MAP3K1: variants seen among roughly 807,000 people sequenced by gnomAD.
The protein encoded by MAP3K1 is MAP/ERK kinase kinase 1.
MAP3K1 carries 36 observed loss-of-function variants against 144.2 expected under a neutral mutation model. The ratio of observed to expected loss-of-function variants is 0.25; its 90% CI spans 0.19 to 0.33. MAP3K1 has a LOEUF of 0.33. Among genes scored for constraint, MAP3K1 ranks in the 10% least tolerant of loss-of-function variants. The probability of loss-of-function intolerance (pLI) is 1.00; values close to 1 mark genes in which losing one functional copy is unlikely to be tolerated. For missense variants in MAP3K1, 1,650 were observed against 1,881.9 expected (o/e 0.88, Z 2.28); for synonymous variants, 718 against 688.7 (o/e 1.04, Z -0.67).
Position 56,884,663 on chromosome 5 carries a change from G to A in MAP3K1, c.3820-1G>A. On this transcript the variant is annotated splice_acceptor_variant, in intron 15 of 19. Transcript: ENST00000399503. LOFTEE classifies it high-confidence loss of function. ...TTTGTGAACGTGTTTATTTGAAACA[G>A]GTGACTTATGTCAGAAACACATCTT... is the stretch of plus-strand genomic sequence containing the variant. The A allele has an allele frequency of 6.2e-7, 1 of 1,613,604 alleles. No individual in the cohort carries two copies. Among genetic ancestry groups the A allele is most frequent in the Non-Finnish European group, 8.5e-7 (1 of 1,179,746 alleles).
At chr5:56,834,801 A>G (rs1746597422) in intron 1 of MAP3K1, among the ~76,000 whole-genome samples, 1 of 152,206 alleles carries the variant, frequency 6.6e-6, no homozygotes, top group African/African-American at 2.4e-5. Context: ...AGCCAGAATA[A>G]GGGTGATGGT....
intron 1 of MAP3K1, among the ~76,000 whole-genome samples, chr5:56,827,251 TTGCC>T (rs1232449613): frequency 6.6e-6 from 1 of 152,166 alleles, no homozygotes; most frequent in Non-Finnish European, 1.5e-5. Flanking sequence ...CTGCCTCGTA[TTGCC>T]CCCACTGGCC....
chr5:56,853,458 A>T (rs1009166278), intron 1 of MAP3K1, among the ~76,000 whole-genome samples: 1 of 152,232 alleles, frequency 6.6e-6, no homozygotes, highest in Non-Finnish European at 1.5e-5. Flanking sequence ...GCCAGAGTTA[A>T]TAAGTGATCA....
chr5:56,883,734 G>A (rs1748295518), intron 15 of MAP3K1, 55 bp downstream of exon 15: 1 of 1,573,584 alleles, frequency 6.4e-7, no homozygotes, highest in Non-Finnish European at 8.7e-7. Flanking sequence ...AATGAAGCAT[G>A]TTCAGTAAAA....
chr5:56,821,974 G>A, intron 1 of MAP3K1, among the ~76,000 whole-genome samples: 1 of 152,146 alleles, frequency 6.6e-6, no homozygotes, highest in East Asian at 1.9e-4. Flanking sequence ...GACGAGTTTT[G>A]AAGGCAAGAA....
intron 19 of MAP3K1, among the ~76,000 whole-genome samples, chr5:56,893,311 A>T (rs1748603031): frequency 1.3e-5 from 2 of 152,232 alleles, no homozygotes; most frequent in South Asian, 4.1e-4. Flanking sequence ...TATTTGATCA[A>T]ATCCTAAAAT....
intron 3 of MAP3K1, among the ~76,000 whole-genome samples, chr5:56,861,099 TG>T (rs1370875488): frequency 1.3e-5 from 2 of 152,172 alleles, no homozygotes; most frequent in Non-Finnish European, 2.9e-5. Flanking sequence ...ATTTTCCACG[TG>T]ATCAGTGTAT....
At chr5:56,829,994 G>A (rs1746437981) in intron 1 of MAP3K1, among the ~76,000 whole-genome samples, 2 of 152,138 alleles carry the variant, frequency 1.3e-5, no homozygotes, top group Non-Finnish European at 1.5e-5. Context: ...GTCCAAAAAA[G>A]CAGTTTTGGC....
intron 1 of MAP3K1, among the ~76,000 whole-genome samples, chr5:56,848,298 GTTAC>G: frequency 6.6e-6 from 1 of 152,276 alleles, no homozygotes; most frequent in South Asian, 2.1e-4. Flanking sequence ...TCTCTTTGAA[GTTAC>G]TTACATATCC....
chr5:56,850,460 TGAA>T (rs1324145631), intron 1 of MAP3K1, among the ~76,000 whole-genome samples: 2 of 152,230 alleles, frequency 1.3e-5, no homozygotes, highest in Non-Finnish European at 1.5e-5. Context: ...GCTCTAATAA[TGAA>T]GAGAATTAAT....
At chr5:56,869,898 A>C (rs1579765500) in intron 6 of MAP3K1, among the ~76,000 whole-genome samples, 1 of 152,248 alleles carries the variant, frequency 6.6e-6, no homozygotes, top group East Asian at 1.9e-4. Context: ...AAGTAGCTCC[A>C]TAATTAGGAA....
chr5:56,879,124 C>G, intron 11 of MAP3K1, 23 bp downstream of exon 11: 3 of 1,613,700 alleles, frequency 1.9e-6, no homozygotes, highest in Non-Finnish European at 2.5e-6. Context: ...TGATGAATCA[C>G]TTCAAACCCT....
At chr5:56,826,019 A>C (rs1484687673) in intron 1 of MAP3K1, among the ~76,000 whole-genome samples, 4 of 152,024 alleles carry the variant, frequency 2.6e-5, no homozygotes, top group African/African-American at 9.7e-5. Context: ...TTTTATAAGA[A>C]GTATTGGCAT....
In MAP3K1 at chr5:56,872,829, G is replaced by A. The variant is rs764525244; in HGVS notation, c.1510G>A (p.Glu504Lys). ...TTTTGTTATTTTTCATTTTAGCCAC[G>A]AGTTGTCAAGTCCTGTGGATTCCCC... ...KWRSHDFYSH[E>K]LSSPVDSPSS... is the part of the protein sequence containing the mutation. Residue 504 changes from glutamate to lysine, a missense_variant, in exon 9 of 20, where the codon GAG (glutamate) becomes AAG (lysine). Coordinates refer to ENST00000399503, the MANE Select transcript of MAP3K1 (RefSeq NM_005921.2). The A allele has an allele frequency of 5.8e-5, 93 of 1,613,862 alleles. No homozygotes were observed. Among genetic ancestry groups the A allele is most frequent in the Non-Finnish European group, 7.5e-5 (88 of 1,179,928 alleles).
intron 1 of MAP3K1, among the ~76,000 whole-genome samples, chr5:56,849,539 A>G (rs1377920630): frequency 6.6e-6 from 1 of 152,322 alleles, no homozygotes; most frequent in East Asian, 1.9e-4. Context: ...ACTAATTTTC[A>G]GAATGTGAGC....
chr5:56,874,401 C>T (rs181432263), intron 9 of MAP3K1, among the ~76,000 whole-genome samples: 3 of 152,286 alleles, frequency 2.0e-5, no homozygotes, highest in East Asian at 1.9e-4. Context: ...TATAATTCTA[C>T]GTCTACATTT....
At position 56,815,640 on chromosome 5, in the gene MAP3K1, G is replaced by T; in HGVS notation, c.67G>T (p.Glu23Ter). Residue 23 changes from glutamate (E) to a stop codon, truncating the protein, a stop_gained, in exon 1 of 20, where the codon GAG becomes TAG. Transcript: ENST00000399503. LOFTEE classifies it high-confidence loss of function. ...GFPGARATSPEAGGGGGALKA... is the reference protein window; with the variant it reads ...GFPGARATSP ...CCCGGGCGCCAGGGCTACGAGCCCT[G>T]AGGCAGGCGGCGGCGGAGGAGCCCT... The T allele has an allele frequency of 1.5e-6, 2 of 1,334,228 alleles. No individual in the cohort carries two copies. Among genetic ancestry groups the T allele is most frequent in the Admixed American group, 3.3e-5 (1 of 30,324 alleles). 82.6% of individuals were successfully genotyped at this position (1,334,228 alleles called of 1,614,324 possible). A position where few individuals can be genotyped will look rare whatever the true frequency, so the allele number is the denominator to read the frequency against.
At chr5:56,839,759 A>G (rs1361899914) in intron 1 of MAP3K1, among the ~76,000 whole-genome samples, 1 of 152,172 alleles carries the variant, frequency 6.6e-6, no homozygotes. Context: ...AAGGACCCAG[A>G]CTGAGAGAAT....
chr5:56,832,046 A>G (rs1010078230), intron 1 of MAP3K1, among the ~76,000 whole-genome samples: 3 of 152,158 alleles, frequency 2.0e-5, no homozygotes, highest in South Asian at 2.1e-4. Flanking sequence ...ACCGTTCCCC[A>G]TTACTGTCCT....
Sources: allele counts gnomAD v4.1 joint callset (sites outside exome capture counted in the v4.1 genomes callset), GRCh38; gene constraint gnomAD v4.1.1; transcripts MANE v1.5; gene names NCBI Gene and HGNC (gene_info 2026-07-23, HGNC 2026-07-21).